SCOC: variants seen among roughly 807,000 people sequenced by gnomAD.
SCOC encodes short coiled-coil protein, also known as short coiled coil protein.
SCOC carries 7 observed loss-of-function variants against 9.9 expected under a neutral mutation model. The ratio of observed to expected loss-of-function variants is 0.71; its 90% confidence interval spans 0.40 to 1.33. The LOEUF is 1.33. Ranked by LOEUF, SCOC falls within the 40% of genes most tolerant of loss-of-function variation. SCOC has a pLI of 0.01. For missense variants in SCOC, 66 were observed against 89.7 expected, an observed-to-expected ratio of 0.74 and a Z score of 1.07; for synonymous variants, 19 against 28.2, an observed-to-expected ratio of 0.67 and a Z score of 1.03.
chr4:140,259,080 G>C (rs1180317547), intron 1 of SCOC, among the ~76,000 whole-genome samples: 1 of 152,232 alleles, frequency 6.6e-6, no homozygotes, highest in Admixed American at 6.5e-5. Flanking sequence ...TGCACAGACA[G>C]GGTTATTACT....
chr4:140,379,972 G>A (rs1349263093), intron 3 of SCOC, among the ~76,000 whole-genome samples: 2 of 151,926 alleles, frequency 1.3e-5, no homozygotes, highest in Non-Finnish European at 2.9e-5. Context: ...CAATGTATTA[G>A]CCTTGGAGAT....
At chr4:140,368,044 TA>T (rs1319830362) in intron 2 of SCOC, among the ~76,000 whole-genome samples, 2 of 152,238 alleles carry the variant, frequency 1.3e-5, no homozygotes, top group African/African-American at 4.8e-5. Flanking sequence ...GGAAAGTGAC[TA>T]ACTCCCTGCA....
At chr4:140,375,015 A>C (rs1232443884) in intron 1 of SCOC, among the ~76,000 whole-genome samples, 1 of 152,236 alleles carries the variant, frequency 6.6e-6, no homozygotes, top group Non-Finnish European at 1.5e-5. Flanking sequence ...TTTTAGATGC[A>C]GAAAAGTTGA....
chr4:140,289,665 C>A (rs554824150), intron 1 of SCOC, among the ~76,000 whole-genome samples: 2 of 152,276 alleles, frequency 1.3e-5, no homozygotes, highest in East Asian at 1.9e-4. Context: ...GTCCATTGGG[C>A]TCCTTAAGAA....
chr4:140,302,544 T>C (rs979972643), intron 1 of SCOC, among the ~76,000 whole-genome samples: 2 of 152,164 alleles, frequency 1.3e-5, no homozygotes, highest in East Asian at 3.8e-4. Flanking sequence ...AGGCTTTCGT[T>C]CTCCCATTCA....
chr4:140,373,306 C>A (rs1461811776), upstream of SCOC: 2 of 1,386,618 alleles, frequency 1.4e-6, no homozygotes, highest in Non-Finnish European at 1.9e-6. Flanking sequence ...CAGCCTCTTT[C>A]CTGATTTTCC....
intron 1 of SCOC, among the ~76,000 whole-genome samples, chr4:140,264,845 C>T (rs749940097): frequency 1.3e-5 from 2 of 152,184 alleles, no homozygotes; most frequent in Non-Finnish European, 2.9e-5. Flanking sequence ...TTATGCTCTG[C>T]TTCGTTTAGA....
In SCOC at chr4:140,327,342, G is replaced by A. The variant is rs139669285; in HGVS notation, c.-18-16279G>A. On this transcript the variant is annotated intron_variant, in intron 1 of 4. Coordinates refer to the SCOC transcript ENST00000394205. ...GAAGATGCAAACACCACTCTCAGGTGGGATTTCAAAATCCTGCACCATCAA... is the reference window on the plus strand; with the variant it reads ...GAAGATGCAAACACCACTCTCAGGTAGGATTTCAAAATCCTGCACCATCAA... 1.5e-3 allele frequency among the ~76,000 whole-genome samples: 233 copies of A among 152,220 alleles called. 1 individual carries two copies. Among genetic ancestry groups the A allele is most frequent in the Middle Eastern group, 3.4e-3 (1 of 294 alleles).
intron 1 of SCOC, chr4:140,293,265 C>T (rs570587120): frequency 2.2e-5 from 10 of 455,976 alleles, no homozygotes; most frequent in Non-Finnish European, 4.4e-5. Context: ...ACATACCACT[C>T]AAGATGGGCT....
At chr4:140,377,836 T>C (rs372562678) in intron 1 of SCOC, among the ~76,000 whole-genome samples, 9 of 152,328 alleles carry the variant, frequency 5.9e-5, no homozygotes, top group East Asian at 5.8e-4. Context: ...TGCTTTCTAC[T>C]GTTTAAGATA....
rs537108146 is a variant in SCOC at position 140,347,043 on chromosome 4, C to T, written c.70+3335C>T. Among the ~76,000 whole-genome samples, 126 of 152,086 alleles carry T rather than the reference C, an allele frequency of 8.3e-4. 1 individual carries two copies. The highest frequency in any genetic ancestry group is 1.5e-3 in the Non-Finnish European group (102 of 68,016). On this transcript the variant is annotated intron_variant, in intron 2 of 4. Transcript: ENST00000338517. ...TCAATTGTAGAACAGATAATGAGGG[C>T]GGCAGTTTGAGAAGGCTGGAGAAGT... is the stretch of plus-strand genomic sequence containing the variant.
At chr4:140,355,941 A>G (rs1727210745) in intron 2 of SCOC, among the ~76,000 whole-genome samples, 1 of 152,220 alleles carries the variant, frequency 6.6e-6, no homozygotes, top group Admixed American at 6.5e-5. Context: ...TCTAATATAT[A>G]GAACTAAGGT....
chr4:140,277,175 G>A (rs1432729715), intron 1 of SCOC, among the ~76,000 whole-genome samples: 1 of 152,072 alleles, frequency 6.6e-6, no homozygotes, highest in Admixed American at 6.5e-5. Context: ...TCTCTTTTGT[G>A]AGCTTAAAGA....
chr4:140,377,690 T>C (rs1335488019), intron 1 of SCOC, among the ~76,000 whole-genome samples: 4 of 152,206 alleles, frequency 2.6e-5, no homozygotes, highest in South Asian at 2.1e-4. Flanking sequence ...AGATGTACAC[T>C]GGGCATTTTC....
intron 1 of SCOC, among the ~76,000 whole-genome samples, chr4:140,277,808 G>A (rs1731018659): frequency 6.6e-6 from 1 of 152,172 alleles, no homozygotes; most frequent in South Asian, 2.1e-4. Flanking sequence ...TGTTTCTAGG[G>A]AAAGGCCCAA....
intron 1 of SCOC, among the ~76,000 whole-genome samples, chr4:140,327,474 A>G (rs904286597): frequency 3.9e-5 from 6 of 152,180 alleles, no homozygotes; most frequent in South Asian, 2.1e-4. Flanking sequence ...CAATTCAACA[A>G]GCAATTTAAA....
At chr4:140,306,355 G>C (rs907516) in intron 1 of SCOC, among the ~76,000 whole-genome samples, 6 of 152,042 alleles carry the variant, frequency 3.9e-5, no homozygotes, top group East Asian at 3.9e-4. Flanking sequence ...GGGAGCTACA[G>C]TTCAAGATGA....
chr4:140,344,533 C>T (rs1726637478), intron 2 of SCOC, among the ~76,000 whole-genome samples: 1 of 152,222 alleles, frequency 6.6e-6, no homozygotes, highest in South Asian at 2.1e-4. Flanking sequence ...CAAAAAGCGT[C>T]TTTCTAAAGT....
At chr4:140,366,845 A>G (rs1727822020) in intron 2 of SCOC, 1 of 819,548 alleles carries the variant, frequency 1.2e-6, no homozygotes, top group South Asian at 1.4e-5. Flanking sequence ...ACCTCCACGA[A>G]GCGCCTGAAC....
Sources: allele counts gnomAD v4.1 joint callset (sites outside exome capture counted in the v4.1 genomes callset), GRCh38; gene constraint gnomAD v4.1.1; transcripts MANE v1.5; gene names NCBI Gene and HGNC (gene_info 2026-07-23, HGNC 2026-07-21).